The following INPP5F variants were observed in gnomAD, a reference collection of about 807,000 sequenced individuals.
INPP5F encodes phosphatidylinositide 4-phosphatase SAC2.
A neutral mutation model predicts 137.2 loss-of-function variants in INPP5F; 97 were observed. The ratio of observed to expected loss-of-function variants is 0.71; its 90% CI spans 0.60 to 0.84. The LOEUF (loss-of-function observed/expected upper bound fraction) is 0.84. Among genes scored for constraint, INPP5F ranks in the 40% least tolerant of loss-of-function variants. The probability of loss-of-function intolerance (pLI) is 0.00; values close to 1 mark genes in which losing one functional copy is unlikely to be tolerated. For synonymous variants in INPP5F, 504 were observed against 476.9 expected (o/e 1.06, Z -0.74); for missense variants, 1,271 against 1,371.9 (o/e 0.93, Z 1.16).
intron 6 of INPP5F, among the ~76,000 whole-genome samples, chr10:119,792,574 T>G (rs1345206791): frequency 1.3e-5 from 2 of 151,496 alleles, no homozygotes; most frequent in Non-Finnish European, 2.9e-5. Context: ...CCAGTTTTTT[T>G]TTTTTTTTTT....
intron 2 of INPP5F, among the ~76,000 whole-genome samples, chr10:119,762,136 T>C (rs1218031851): frequency 6.6e-6 from 1 of 152,250 alleles, no homozygotes; most frequent in Non-Finnish European, 1.5e-5. Flanking sequence ...AAGTGGACCC[T>C]TGCAGTTCAA....
chr10:119,798,346 A>G (rs1589728089), intron 8 of INPP5F, among the ~76,000 whole-genome samples, 197 bp from the exon 9 acceptor site: 1 of 152,260 alleles, frequency 6.6e-6, no homozygotes, highest in African/African-American at 2.4e-5. Context: ...GCACTTTCAG[A>G]TATATTTTAG....
intron 2 of INPP5F, among the ~76,000 whole-genome samples, chr10:119,752,822 T>C (rs921657432): frequency 6.6e-6 from 1 of 152,092 alleles, no homozygotes; most frequent in Admixed American, 6.5e-5. Flanking sequence ...CTTTCACTTA[T>C]TTTTATTTAT....
intron 15 of INPP5F, chr10:119,819,868 G>T: frequency 4.8e-6 from 1 of 208,024 alleles, no homozygotes; most frequent in Admixed American, 5.8e-5. Context: ...GTTAAACAAT[G>T]ACCTCATTCT....
intron 1 of INPP5F, among the ~76,000 whole-genome samples, chr10:119,734,700 T>A (rs1207402343): frequency 2.0e-5 from 3 of 152,174 alleles, no homozygotes; most frequent in African/African-American, 7.2e-5. Context: ...TTTGGCATGG[T>A]TTTATGGGGA....
chr10:119,750,369 A>G (rs998278760), intron 1 of INPP5F, among the ~76,000 whole-genome samples: 2 of 139,410 alleles, frequency 1.4e-5, no homozygotes, highest in African/African-American at 5.0e-5. Context: ...TGGGCCACAC[A>G]AGAGAATAAA....
In INPP5F at chr10:119,797,039, C is replaced by T. The variant is rs73355844; in HGVS notation, c.868+126C>T. 2,448 of 895,874 alleles carry T rather than the reference C, an allele frequency of 2.7e-3. 45 individuals carry two copies. In the African/African-American group the frequency reaches 0.037, roughly 13 times the overall value. The allele number at this position is 895,874 out of a possible 1,614,324, so 55.5% of individuals were successfully genotyped here. ...CAGTTGGCTTCAAAGTGCTTGGGGACTCTAAATACTGTGATGTAATTGGGG... is the reference window on the plus strand; with the variant it reads ...CAGTTGGCTTCAAAGTGCTTGGGGATTCTAAATACTGTGATGTAATTGGGG... On this transcript the variant is annotated intron_variant, in intron 7 of 19. Transcript: ENST00000650623.
intron 3 of INPP5F, among the ~76,000 whole-genome samples, chr10:119,789,931 G>A (rs1198105282): frequency 6.6e-6 from 1 of 151,604 alleles, no homozygotes; most frequent in Non-Finnish European, 1.5e-5. Context: ...TAGGATGAGG[G>A]AGGGACTCAG....
At chr10:119,816,610 CGA>C (rs758829364) in intron 15 of INPP5F, 20 of 152,168 alleles carry the variant, frequency 1.3e-4, no homozygotes, top group African/African-American at 2.2e-4. Flanking sequence ...GCTCTTGGGC[CGA>C]GTTTGCTATA....
At chr10:119,816,074 G>A (rs929067096) in intron 15 of INPP5F, 2 of 152,270 alleles carry the variant, frequency 1.3e-5, no homozygotes, top group African/African-American at 4.8e-5. Context: ...GTAGCAGGAT[G>A]AGGCCTGCCT....
chr10:119,726,138 C>A lies in INPP5F; in HGVS notation c.-125C>A. 2.1e-6 allele frequency: 1 copy of A among 481,668 alleles called. No homozygotes were observed. The allele number at this position is 481,668 out of a possible 1,614,324, so 29.8% of individuals were successfully genotyped here. On this transcript the variant is annotated 5_prime_UTR_variant, in exon 1 of 20. Transcript: ENST00000650623. ...GGGTGCCCCGGGGCGTTCCCTCTGC[C>A]GCTGCTTCTCGGCGCGGTTCCTACC... is the stretch of plus-strand genomic sequence containing the variant.
In INPP5F at chr10:119,792,013, G is replaced by T. The variant is rs1420219373; in HGVS notation, c.589G>T (p.Asp197Tyr). ...GCAGAGGCAGAGCACTGGGGAGAGG[G>T]ACGGTCGGCCCCTCTGGCAGAAGGT... Reference protein sequence around the residue: ...SVQRQSTGERDGRPLWQKVDD... With the variant: ...SVQRQSTGERYGRPLWQKVDD... Residue 197 changes from aspartate to tyrosine, a missense_variant, in exon 5 of 20, where the codon GAC becomes TAC. Asp to Tyr is a radical substitution (Grantham distance 160). This residue lies in a region of INPP5F where 593 missense variants were observed against 712.4 expected (regional missense o/e 0.83). Coordinates refer to ENST00000650623, the MANE Select transcript of INPP5F (RefSeq NM_014937.4). 3.1e-6 allele frequency: 5 copies of T among 1,614,102 alleles called. No homozygotes were observed. Among genetic ancestry groups the T allele is most frequent in the Non-Finnish European group, 4.2e-6 (5 of 1,180,056 alleles).
intron 3 of INPP5F, among the ~76,000 whole-genome samples, chr10:119,785,699 A>G (rs937784517): frequency 6.6e-6 from 1 of 152,084 alleles, no homozygotes; most frequent in Non-Finnish European, 1.5e-5. Flanking sequence ...TCTCTATGAA[A>G]AATTTAAAAA....
At chr10:119,767,133 A>AAAAAAAC (rs1849197400) in intron 2 of INPP5F, among the ~76,000 whole-genome samples, 3 of 141,992 alleles carry the variant, frequency 2.1e-5, no homozygotes, top group African/African-American at 5.2e-5. Flanking sequence ...AAAAAAAAAA[A>AAAAAAAC]CCTAGAGAGA....
At chr10:119,797,315 G>A in intron 7 of INPP5F, 146 bp from the exon 8 acceptor site, 1 of 649,398 alleles carries the variant, frequency 1.5e-6, no homozygotes, top group Non-Finnish European at 2.6e-6. Context: ...ACGATTTTGG[G>A]TAAGTTGATA....
At chr10:119,740,202 A>G (rs1420567677) in intron 1 of INPP5F, among the ~76,000 whole-genome samples, 1 of 152,150 alleles carries the variant, frequency 6.6e-6, no homozygotes, top group African/African-American at 2.4e-5. Context: ...TTTCCCAAGC[A>G]TGTTTTTACC....
rs944566814 is a variant in INPP5F, at chr10:119,808,493, ACT to A, written c.1569+437_1569+438del. ...GTGACCTTGGGCAAGTCACTTAACC[ACT>A]CTCATTTGTCACACAGGAATTATAC... On this transcript the variant is annotated intron_variant, in intron 13 of 19. Coordinates refer to ENST00000650623, the MANE Select transcript of INPP5F (RefSeq NM_014937.4). 4.6e-5 allele frequency among the ~76,000 whole-genome samples: 7 copies of A among 152,206 alleles called. No individual in the cohort carries two copies. In the East Asian group the frequency reaches 1.2e-3, roughly 25 times the overall value.
chr10:119,810,073 A>G (rs1850967642), intron 13 of INPP5F, 27 bp from the exon 14 acceptor site: 2 of 1,285,872 alleles, frequency 1.6e-6, no homozygotes, highest in South Asian at 1.2e-5. Flanking sequence ...TTTAAATAAG[A>G]TGTCAAAATC....
At position 119,822,326 on chromosome 10, in the gene INPP5F, A is replaced by G. The variant is rs1589758464; in HGVS notation, c.1959-105A>G. ...CCCCAGAATGTATGTGCTGTGGAAG[A>G]TTTTGTTAACTGTATGTAACAGTTT... On this transcript the variant is annotated intron_variant, in intron 16 of 19. Coordinates refer to ENST00000650623, the MANE Select transcript of INPP5F (RefSeq NM_014937.4). The G allele has an allele frequency of 1.7e-5, 9 of 540,460 alleles. No homozygotes were observed. The South Asian group carries it at 2.7e-4, about 16-fold the overall frequency. 33.5% of individuals were successfully genotyped at this position (540,460 alleles called of 1,614,324 possible).
Sources: gnomAD v4.1 joint callset for allele counts (sites outside exome capture counted in the v4.1 genomes callset) on GRCh38, gnomAD v4.1.1 for gene constraint, gnomAD v4.1.1 regional missense constraint, MANE v1.5 for transcripts, NCBI Gene and HGNC (gene_info 2026-07-23, HGNC 2026-07-21) for gene names.